Variants in AANAT observed in about 807,000 individuals in gnomAD.
AANAT encodes serotonin N-acetyltransferase.
AANAT carries 11 observed loss-of-function variants against 15.6 expected under a neutral mutation model. That is an observed-to-expected ratio of 0.71 (90% CI 0.44 to 1.17). The LOEUF is 1.17. Among genes scored for constraint, AANAT ranks in the 50% most tolerant of loss-of-function variants. AANAT has a pLI of 0.00. For synonymous variants in AANAT, 139 were observed against 131.5 expected (o/e 1.06, Z -0.39); for missense variants, 286 against 296.3 (o/e 0.97, Z 0.26).
chr17:76,464,023 C>A (rs756498188), upstream of AANAT, among the ~76,000 whole-genome samples: 11 of 152,052 alleles, frequency 7.2e-5, no homozygotes, highest in Non-Finnish European at 1.5e-4. Flanking sequence ...CCTGGACAAC[C>A]CCTCTCCAAA....
At chr17:76,461,293 T>C (rs927135433) in intron 2 of AANAT, among the ~76,000 whole-genome samples, 2 of 152,086 alleles carry the variant, frequency 1.3e-5, no homozygotes, top group South Asian at 2.1e-4. Flanking sequence ...CATAAGCCTC[T>C]TGGGGGGACA....
In AANAT at chr17:76,469,902, C is replaced by T. The variant is rs150881412; in HGVS notation, c.556C>T (p.Leu186Phe). The stretch of plus-strand genomic sequence containing the variant: ...CCCCTGCGCCATCACCGTGGGCTCC[C>T]TCACCTTCATGGAGCTCCACTGCTC... ...VGPCAITVGS[L>F]TFMELHCSLR... is the part of the protein sequence containing the mutation. Residue 186 changes from leucine to phenylalanine, a missense_variant, in exon 4 of 4, where the codon CTC becomes TTC. By Grantham distance (22) the Leu-to-Phe change is conservative. Coordinates refer to ENST00000392492, the MANE Select transcript of AANAT (RefSeq NM_001088.3). The surrounding 1 kb of genome is among the most constrained non-coding windows in gnomAD (Gnocchi z 5.2). The T allele has an allele frequency of 8.9e-6, 14 of 1,572,674 alleles. No homozygotes were observed. In the African/African-American group the frequency reaches 1.9e-4, roughly 21 times the overall value.
At chr17:76,465,586 C>G (rs946566773), upstream of AANAT, among the ~76,000 whole-genome samples, 3 of 151,948 alleles carry the variant, frequency 2.0e-5, no homozygotes, top group Non-Finnish European at 1.5e-5. Flanking sequence ...ATCCTCCTGC[C>G]TTGGCCTCCC....
At chr17:76,453,461 G>T in exon 1 of AANAT, 1 of 238,250 alleles carries the variant, frequency 4.2e-6, no homozygotes, top group Non-Finnish European at 8.1e-6. Context: ...AGAGGGGAGT[G>T]GTCGGGGTGG....
At position 76,470,090 on chromosome 17, in the gene AANAT, G is replaced by A. The variant is rs769810135; in HGVS notation, c.*120G>A. ...TGGAGAGAGCAGGGCTAAATAAAGA[G>A]GAGATAAGGTGGCTTCTCACGGCCT... is the stretch of plus-strand genomic sequence containing the variant. On this transcript the variant is annotated 3_prime_UTR_variant, in exon 4 of 4. Coordinates refer to ENST00000392492, the MANE Select transcript of AANAT (RefSeq NM_001088.3). 8.6e-7 allele frequency: 1 copy of A among 1,159,112 alleles called. No homozygotes were observed. The allele number at this position is 1,159,112 out of a possible 1,614,324, so 71.8% of individuals were successfully genotyped here. A position where few individuals can be genotyped will look rare whatever the true frequency, so the allele number is the denominator to read the frequency against.
Position 76,468,676 on chromosome 17 carries a change from T to C in AANAT, c.-71T>C. The C allele has an allele frequency of 6.5e-7, 1 of 1,548,662 alleles. No individual in the cohort carries two copies. Among genetic ancestry groups the C allele is most frequent in the South Asian group, 1.2e-5 (1 of 84,926 alleles). ...TCCCTTGCTGTTCTCCAACAGGTGC[T>C]GGGAGGCCCTCCTTGGCTTAGGAGG... On this transcript the variant is annotated 5_prime_UTR_variant, in exon 2 of 4. Transcript: ENST00000392492.
At chr17:76,457,586 A>T (rs1165862022) in intron 1 of AANAT, among the ~76,000 whole-genome samples, 1 of 152,210 alleles carries the variant, frequency 6.6e-6, no homozygotes, top group African/African-American at 2.4e-5. Flanking sequence ...TACATAGATT[A>T]TCAGGATACT....
At position 76,470,078 on chromosome 17, in the gene AANAT, G is replaced by A; in HGVS notation, c.*108G>A. ...GTTTCCAGAGAGTGGAGAGAGCAGG[G>A]CTAAATAAAGAGGAGATAAGGTGGC... On this transcript the variant is annotated 3_prime_UTR_variant, in exon 4 of 4. Coordinates refer to ENST00000392492, the MANE Select transcript of AANAT (RefSeq NM_001088.3). 1 of 1,232,442 alleles carries A rather than the reference G, an allele frequency of 8.1e-7. No individual in the cohort carries two copies. The highest frequency in any genetic ancestry group is 2.8e-5 in the East Asian group (1 of 36,276). The allele number at this position is 1,232,442 out of a possible 1,614,324, so 76.3% of individuals were successfully genotyped here.
intron 1 of AANAT, among the ~76,000 whole-genome samples, chr17:76,468,037 C>A (rs937002252): frequency 4.6e-5 from 7 of 152,158 alleles, no homozygotes; most frequent in Admixed American, 2.0e-4. Flanking sequence ...CCCCACCCCC[C>A]ACCACAAATC....
chr17:76,459,697 T>C (rs1387999331), intron 2 of AANAT, among the ~76,000 whole-genome samples: 1 of 152,258 alleles, frequency 6.6e-6, no homozygotes, highest in East Asian at 1.9e-4. Flanking sequence ...TTGGGCAAGT[T>C]ATTTTACTCT....
chr17:76,461,319 C>T (rs1041163405), intron 2 of AANAT, among the ~76,000 whole-genome samples: 1 of 152,064 alleles, frequency 6.6e-6, no homozygotes, highest in Non-Finnish European at 1.5e-5. Flanking sequence ...GTAGTGGATG[C>T]TGTGGTGCAC....
Position 76,468,696 on chromosome 17 carries a change from A to G in AANAT, c.-51A>G. On this transcript the variant is annotated 5_prime_UTR_variant, in exon 2 of 4. Transcript: ENST00000392492. ...GGTGCTGGGAGGCCCTCCTTGGCTT[A>G]GGAGGACACTTCCAAAGCTGGGGCG... 6.4e-7 allele frequency: 1 copy of G among 1,571,602 alleles called. No homozygotes were observed. Among genetic ancestry groups the G allele is most frequent in the Non-Finnish European group, 8.6e-7 (1 of 1,161,776 alleles).
At chr17:76,468,613 TG>T (rs1423800202) in intron 1 of AANAT, 58 bp from the exon 2 acceptor site, 2 of 1,446,504 alleles carry the variant, frequency 1.4e-6, no homozygotes, top group South Asian at 1.3e-5. Context: ...ATACATACTC[TG>T]GGGCCTGCCT....
chr17:76,468,725 C>T lies in AANAT; in HGVS notation c.-22C>T. 1 of 1,603,648 alleles carries T rather than the reference C, an allele frequency of 6.2e-7. No individual in the cohort carries two copies. The highest frequency in any genetic ancestry group is 8.5e-7 in the Non-Finnish European group (1 of 1,176,446). On this transcript the variant is annotated 5_prime_UTR_variant, in exon 2 of 4. Transcript: ENST00000392492. ...GGACACTTCCAAAGCTGGGGCGCCC[C>T]AAGGAGGCACCAGTGGCCAGAATGT...
At chr17:76,457,338 G>A (rs552371497) in intron 1 of AANAT, among the ~76,000 whole-genome samples, 2 of 152,204 alleles carry the variant, frequency 1.3e-5, no homozygotes, top group South Asian at 2.1e-4. Flanking sequence ...CACCGCACCC[G>A]GCCTCAAATC....
chr17:76,464,937 A>G (rs1045388498), upstream of AANAT, among the ~76,000 whole-genome samples: 1 of 151,938 alleles, frequency 6.6e-6, no homozygotes, highest in Non-Finnish European at 1.5e-5. Context: ...CTGGGATTAC[A>G]AGCGCCCACC....
upstream of AANAT, among the ~76,000 whole-genome samples, chr17:76,467,363 C>T (rs896784414): frequency 6.6e-6 from 1 of 152,180 alleles, no homozygotes; most frequent in Non-Finnish European, 1.5e-5. Flanking sequence ...CAGTCGGTGA[C>T]AGAGCAGGGA....
Position 76,469,582 on chromosome 17 carries a change from C to G in AANAT, c.319-83C>G, listed in dbSNP as rs2073492664. 3 of 1,395,140 alleles carry G rather than the reference C, an allele frequency of 2.2e-6. No individual in the cohort carries two copies. The Admixed American group carries it at 8.7e-5, about 40-fold the overall frequency. 86.4% of individuals were successfully genotyped at this position (1,395,140 alleles called of 1,614,324 possible). A position where few individuals can be genotyped will look rare whatever the true frequency, so the allele number is the denominator to read the frequency against. ...CTGACCACAGGCACCCAGGGGACAC[C>G]TGCTCCCTGCCTGGGTTGGTGGTTG... On this transcript the variant is annotated intron_variant, in intron 3 of 3. Coordinates refer to ENST00000392492, the MANE Select transcript of AANAT (RefSeq NM_001088.3). The surrounding 1 kb of genome is among the most constrained non-coding windows in gnomAD (Gnocchi z 5.2).
exon 1 of AANAT, chr17:76,453,423 G>C (rs2073300011): frequency 7.1e-6 from 2 of 280,024 alleles, no homozygotes; most frequent in Admixed American, 1.1e-4. Flanking sequence ...GGGGACCCGG[G>C]AGGAGGAAGT....
Sources: gnomAD v4.1 joint callset for allele counts (sites outside exome capture counted in the v4.1 genomes callset) on GRCh38, gnomAD v4.1.1 for gene constraint, Gnocchi (gnomAD v3.1) non-coding constraint, MANE v1.5 for transcripts, NCBI Gene and HGNC (gene_info 2026-07-23, HGNC 2026-07-21) for gene names.